The following CDH13 variants were observed in gnomAD, a reference collection of about 807,000 sequenced individuals.
The protein encoded by CDH13 is cadherin-13.
In CDH13, 24 loss-of-function variants were observed where a neutral mutation model predicts 63.8. The observed-to-expected ratio is 0.38, with a 90% confidence interval of 0.27 to 0.53. The LOEUF (loss-of-function observed/expected upper bound fraction) is 0.53. Among genes scored for constraint, CDH13 ranks in the 20% least tolerant of loss-of-function variants. The probability of loss-of-function intolerance (pLI) is 0.85; values close to 1 mark genes in which losing one functional copy is unlikely to be tolerated. For synonymous variants in CDH13, 503 were observed against 355.3 expected, an observed-to-expected ratio of 1.42 and a Z score of -4.67; for missense variants, 1,049 against 903.1, an observed-to-expected ratio of 1.16 and a Z score of -2.07.
At chr16:83,004,197 G>T (rs951682058) in intron 2 of CDH13, among the ~76,000 whole-genome samples, 1 of 152,184 alleles carries the variant, frequency 6.6e-6, no homozygotes, top group Non-Finnish European at 1.5e-5. Flanking sequence ...GTGAGTATCT[G>T]TGTTCCCTTG....
chr16:83,448,346 A>C (rs1159143694), intron 6 of CDH13, among the ~76,000 whole-genome samples: 1 of 152,178 alleles, frequency 6.6e-6, no homozygotes, highest in African/African-American at 2.4e-5. Context: ...CAGAGATCCA[A>C]GATACCAACT....
chr16:83,436,797 T>C (rs961882479), intron 6 of CDH13, among the ~76,000 whole-genome samples: 1 of 152,240 alleles, frequency 6.6e-6, no homozygotes, highest in Non-Finnish European at 1.5e-5. Context: ...CTGCTGTGAA[T>C]GTATGATTTA....
At chr16:82,994,383 G>A (rs1567726338) in intron 2 of CDH13, among the ~76,000 whole-genome samples, 1 of 152,206 alleles carries the variant, frequency 6.6e-6, no homozygotes, top group African/African-American at 2.4e-5. Flanking sequence ...AAGCCTCAGC[G>A]GGGTGCCTGA....
chr16:83,081,618 A>G (rs1342990129), intron 3 of CDH13, among the ~76,000 whole-genome samples: 1 of 152,084 alleles, frequency 6.6e-6, no homozygotes, highest in Non-Finnish European at 1.5e-5. Flanking sequence ...CCAGCAGGGT[A>G]GGGTTTTTGG....
chr16:82,798,373 A>T (rs2036690489), intron 1 of CDH13, among the ~76,000 whole-genome samples: 1 of 152,166 alleles, frequency 6.6e-6, no homozygotes, highest in Non-Finnish European at 1.5e-5. Context: ...CATGCACCAG[A>T]TGAAAGCTTT....
chr16:83,171,385 C>A (rs1427581352), intron 4 of CDH13: 3 of 725,932 alleles, frequency 4.1e-6, no homozygotes, highest in East Asian at 2.7e-5. Context: ...CCACCAGGCC[C>A]CACCTCCAAC....
At chr16:83,209,047 G>A (rs560171869) in intron 4 of CDH13, among the ~76,000 whole-genome samples, 97 of 152,138 alleles carry the variant, frequency 6.4e-4, no homozygotes, top group Non-Finnish European at 1.2e-3. Flanking sequence ...TCCAGTGGGG[G>A]TGGCAGCAGG....
intron 2 of CDH13, among the ~76,000 whole-genome samples, chr16:82,907,898 C>T (rs926070117): frequency 6.6e-6 from 1 of 152,112 alleles, no homozygotes; most frequent in Non-Finnish European, 1.5e-5. Context: ...ATGGGCTGAG[C>T]CCTCCAAATT....
intron 11 of CDH13, among the ~76,000 whole-genome samples, chr16:83,759,896 C>T (rs952163097): frequency 3.0e-5 from 4 of 134,604 alleles, no homozygotes; most frequent in African/African-American, 1.0e-4. Flanking sequence ...CCACTGCACT[C>T]CAGCATGGAG....
At chr16:82,919,629 A>T (rs185289163) in intron 2 of CDH13, among the ~76,000 whole-genome samples, 65 of 152,268 alleles carry the variant, frequency 4.3e-4, no homozygotes, top group Non-Finnish European at 7.2e-4. Context: ...ATTTAGTTTG[A>T]TTCCATGTTT....
At chr16:83,567,193 C>T (rs1453913769) in intron 7 of CDH13, among the ~76,000 whole-genome samples, 1 of 152,246 alleles carries the variant, frequency 6.6e-6, no homozygotes, top group Non-Finnish European at 1.5e-5. Context: ...TTTCCCAGTG[C>T]CCAGTCATGG....
At chr16:83,253,431 C>G (rs985882152) in intron 5 of CDH13, among the ~76,000 whole-genome samples, 2 of 152,160 alleles carry the variant, frequency 1.3e-5, no homozygotes, top group African/African-American at 4.8e-5. Context: ...TAAGAAGCAG[C>G]CAGTGTCCAA....
At chr16:83,264,498 A>G (rs1311625361) in intron 5 of CDH13, among the ~76,000 whole-genome samples, 1 of 151,888 alleles carries the variant, frequency 6.6e-6, no homozygotes, top group African/African-American at 2.4e-5. Context: ...TACATATTAT[A>G]CACATGTATG....
At chr16:83,523,009 T>G (rs1319438377) in intron 7 of CDH13, among the ~76,000 whole-genome samples, 3 of 152,210 alleles carry the variant, frequency 2.0e-5, no homozygotes, top group Non-Finnish European at 4.4e-5. Flanking sequence ...CCTGGCTGAA[T>G]TATACTCACC....
At chr16:83,184,210 G>C (rs1309615019) in intron 4 of CDH13, among the ~76,000 whole-genome samples, 3 of 150,576 alleles carry the variant, frequency 2.0e-5, no homozygotes, top group African/African-American at 7.3e-5. Context: ...ATATTTTGTA[G>C]TAAATTTCCC....
intron 2 of CDH13, among the ~76,000 whole-genome samples, chr16:82,899,030 C>T (rs2041366558): frequency 6.6e-6 from 1 of 152,166 alleles, no homozygotes. Context: ...CCCAAGATCA[C>T]ACTCATCAAC....
At chr16:83,754,604 C>G (rs1415225679) in intron 11 of CDH13, among the ~76,000 whole-genome samples, 1 of 152,196 alleles carries the variant, frequency 6.6e-6, no homozygotes, top group Non-Finnish European at 1.5e-5. Flanking sequence ...TTCCCCCATA[C>G]TGTTCTCATG....
chr16:83,474,545 A>G (rs1395885225), intron 6 of CDH13, among the ~76,000 whole-genome samples: 2 of 152,170 alleles, frequency 1.3e-5, no homozygotes, highest in African/African-American at 2.4e-5. Flanking sequence ...GCTCAACCTC[A>G]TTCTCATGTA....
chr16:82,934,423 A>AT (rs970405001), intron 2 of CDH13, among the ~76,000 whole-genome samples: 53 of 151,810 alleles, frequency 3.5e-4, no homozygotes, highest in Admixed American at 5.9e-4. Context: ...CCACAAAACC[A>AT]TTTTTTCCAT....
Sources: gnomAD v4.1 joint callset for allele counts (sites outside exome capture counted in the v4.1 genomes callset) on GRCh38, gnomAD v4.1.1 for gene constraint, MANE v1.5 for transcripts, NCBI Gene and HGNC (gene_info 2026-07-23, HGNC 2026-07-21) for gene names.